The following KIF21A variants were observed in gnomAD, a reference collection of about 807,000 sequenced individuals.
KIF21A encodes kinesin-like protein KIF21A.
In KIF21A, 114 loss-of-function variants were observed where a neutral mutation model predicts 202.9. The observed-to-expected ratio is 0.56, with a 90% CI of 0.48 to 0.66. KIF21A has a LOEUF of 0.66. KIF21A is among the 30% of genes least tolerant of loss of function. The pLI is 0.00. For missense variants in KIF21A, 1,677 were observed against 1,994.9 expected, an observed-to-expected ratio of 0.84 and a Z score of 3.04; for synonymous variants, 667 against 670.8, an observed-to-expected ratio of 0.99 and a Z score of 0.09.
chr12:39,415,354 C>T (rs1953480695), intron 1 of KIF21A, among the ~76,000 whole-genome samples: 1 of 150,848 alleles, frequency 6.6e-6, no homozygotes, highest in Non-Finnish European at 1.5e-5. Flanking sequence ...ATTCTCCTAC[C>T]TCAGCCTCCG....
At chr12:39,412,683 A>T (rs1209647208) in intron 1 of KIF21A, among the ~76,000 whole-genome samples, 1 of 152,082 alleles carries the variant, frequency 6.6e-6, no homozygotes, top group African/African-American at 2.4e-5. Context: ...GCACCACTGC[A>T]CTCCAGCCTG....
intron 1 of KIF21A, among the ~76,000 whole-genome samples, chr12:39,423,828 AC>A (rs1266217458): frequency 4.6e-5 from 7 of 151,898 alleles, no homozygotes; most frequent in Non-Finnish European, 1.0e-4. Context: ...CTTAAAAAAT[AC>A]AAAAATTAGC....
chr12:39,366,966 A>G lies in KIF21A; in HGVS notation c.735+64T>C, dbSNP rs1949643468. On this transcript the variant is annotated intron_variant, in intron 5 of 37. Coordinates refer to ENST00000361418, the MANE Select transcript of KIF21A (RefSeq NM_001173464.2). ...GAATTTGGCTCAAATATATTCTCAG[A>G]GAATTCATGTGGTTTTAGGGAGATA... 3 of 1,436,188 alleles carry G rather than the reference A, an allele frequency of 2.1e-6. No individual in the cohort carries two copies. The African/African-American group carries it at 4.2e-5, about 20-fold the overall frequency. 89.0% of individuals were successfully genotyped at this position (1,436,188 alleles called of 1,614,324 possible).
intron 1 of KIF21A, among the ~76,000 whole-genome samples, chr12:39,379,317 G>A (rs1219527594): frequency 1.4e-5 from 2 of 141,154 alleles, no homozygotes; most frequent in Non-Finnish European, 3.0e-5. Flanking sequence ...AACAAAGCAA[G>A]ACTCTGTCTA....
intron 37 of KIF21A, among the ~76,000 whole-genome samples, chr12:39,295,819 A>C (rs912256178): frequency 1.4e-5 from 2 of 144,236 alleles, no homozygotes; most frequent in African/African-American, 5.2e-5. Flanking sequence ...CTCCTGCCTC[A>C]GCCTCCCAAG....
chr12:39,379,106 C>T (rs940581251), intron 1 of KIF21A, among the ~76,000 whole-genome samples: 1 of 151,888 alleles, frequency 6.6e-6, no homozygotes, highest in Non-Finnish European at 1.5e-5. Flanking sequence ...CTGAGGCAGG[C>T]GGATCACAAG....
intron 31 of KIF21A, among the ~76,000 whole-genome samples, chr12:39,314,356 C>T (rs568998273): frequency 1.2e-3 from 189 of 151,666 alleles, no homozygotes; most frequent in African/African-American, 4.2e-3. Flanking sequence ...GAGCAAAACC[C>T]GCTCAAAAGT....
intron 1 of KIF21A, among the ~76,000 whole-genome samples, chr12:39,438,702 A>C (rs946783408): frequency 1.3e-5 from 2 of 152,184 alleles, no homozygotes; most frequent in Non-Finnish European, 2.9e-5. Flanking sequence ...ATATACAGAG[A>C]ATAACATAAA....
At chr12:39,358,615 T>TTA (rs1390868591) in intron 7 of KIF21A, among the ~76,000 whole-genome samples, 2 of 152,338 alleles carry the variant, frequency 1.3e-5, no homozygotes, top group Admixed American at 1.3e-4. Context: ...CATTTATTTC[T>TTA]TACCTCTTTG....
rs961837961 is a variant in KIF21A at position 39,442,150 on chromosome 12, C to T, written c.44+777G>A. 6.6e-6 allele frequency among the ~76,000 whole-genome samples: 1 copy of T among 152,144 alleles called. No individual in the cohort carries two copies. Among genetic ancestry groups the T allele is most frequent in the African/African-American group, 2.4e-5 (1 of 41,420 alleles). On this transcript the variant is annotated intron_variant, in intron 1 of 37. Coordinates refer to ENST00000361418, the MANE Select transcript of KIF21A (RefSeq NM_001173464.2). This position sits in a 1 kb window ranked among gnomAD's most constrained non-coding sequence, Gnocchi z 5.0. ...TACCTAGTATTTCCAGACTCACACC[C>T]TGGCCTGGGTAACGTTACGATTACA...
intron 1 of KIF21A, among the ~76,000 whole-genome samples, chr12:39,398,971 C>T (rs1234138025): frequency 6.6e-6 from 1 of 152,118 alleles, no homozygotes; most frequent in Admixed American, 6.6e-5. Flanking sequence ...TGCCTGTACT[C>T]CCCACACTTT....
chr12:39,414,323 C>T (rs1953359539), intron 1 of KIF21A, among the ~76,000 whole-genome samples: 2 of 152,172 alleles, frequency 1.3e-5, no homozygotes, highest in Admixed American at 1.3e-4. Flanking sequence ...AAAGTGCTCA[C>T]TATGAAACCA....
intron 1 of KIF21A, among the ~76,000 whole-genome samples, chr12:39,397,122 C>T (rs1337456907): frequency 6.6e-6 from 1 of 152,184 alleles, no homozygotes; most frequent in Non-Finnish European, 1.5e-5. Context: ...GATGGTCACA[C>T]AACTGCATCA....
At chr12:39,365,089 C>T (rs1225986014) in intron 6 of KIF21A, among the ~76,000 whole-genome samples, 1 of 152,108 alleles carries the variant, frequency 6.6e-6, no homozygotes, top group Non-Finnish European at 1.5e-5. Flanking sequence ...TCTGTAATCC[C>T]ACCCTGGAAC....
intron 1 of KIF21A, among the ~76,000 whole-genome samples, chr12:39,436,448 A>ATATATATATATATATATTTTTT (rs1387332677): frequency 9.1e-4 from 87 of 95,706 alleles, no homozygotes; most frequent in Non-Finnish European, 1.5e-3. Context: ...ATATATATAT[A>ATATATATATATATATATTTTTT]TTTTTTTTTT....
In KIF21A at chr12:39,442,195, T is replaced by C. The variant is rs1272724782; in HGVS notation, c.44+732A>G. ...ATTACATTGTATCCACCCTGCCTAA[T>C]GTCAGTATGTTTCACACAGTCACCC... On this transcript the variant is annotated intron_variant, in intron 1 of 37. Coordinates refer to ENST00000361418, the MANE Select transcript of KIF21A (RefSeq NM_001173464.2). This position sits in a 1 kb window ranked among gnomAD's most constrained non-coding sequence, Gnocchi z 5.0. 1.3e-5 allele frequency among the ~76,000 whole-genome samples: 2 copies of C among 152,106 alleles called. No individual in the cohort carries two copies. Among genetic ancestry groups the C allele is most frequent in the Admixed American group, 6.5e-5 (1 of 15,274 alleles).
intron 1 of KIF21A, among the ~76,000 whole-genome samples, chr12:39,399,239 T>C (rs1951986043): frequency 6.6e-6 from 1 of 152,210 alleles, no homozygotes; most frequent in South Asian, 2.1e-4. Flanking sequence ...ATATTGTATT[T>C]TGTATTATAA....
At chr12:39,321,280 CA>C (rs1318047759) in intron 27 of KIF21A, 1 of 151,878 alleles carries the variant, frequency 6.6e-6, no homozygotes, top group African/African-American at 2.4e-5. Context: ...AGGCAGAGCC[CA>C]AAAGATATTT....
Position 39,443,089 on chromosome 12 carries a change from C to A in KIF21A, c.-119G>T. On this transcript the variant is annotated 5_prime_UTR_variant, in exon 1 of 38. Coordinates refer to ENST00000361418, the MANE Select transcript of KIF21A (RefSeq NM_001173464.2). ...CGTCTGCGGGCGGGCGGCCGGCTCA[C>A]CTCCGCCGCGCTCCAGCCATGTTGG... 1 of 998,430 alleles carries A rather than the reference C, an allele frequency of 1.0e-6. No homozygotes were observed. Among genetic ancestry groups the A allele is most frequent in the Non-Finnish European group, 1.4e-6 (1 of 733,304 alleles). 61.8% of individuals were successfully genotyped at this position (998,430 alleles called of 1,614,324 possible).
Sources: gnomAD v4.1 joint callset for allele counts (sites outside exome capture counted in the v4.1 genomes callset) on GRCh38, gnomAD v4.1.1 for gene constraint, Gnocchi (gnomAD v3.1) non-coding constraint, MANE v1.5 for transcripts, NCBI Gene and HGNC (gene_info 2026-07-23, HGNC 2026-07-21) for gene names.